The following PAK5 variants were observed in gnomAD, a reference collection of about 807,000 sequenced individuals.
PAK5 encodes serine/threonine-protein kinase PAK 5.
Under a neutral mutation model 65.9 loss-of-function variants are expected in PAK5, and 16 were observed. That is an observed-to-expected ratio of 0.24 (90% confidence interval 0.16 to 0.37). The LOEUF is 0.37. Among genes scored for constraint, PAK5 ranks in the 10% least tolerant of loss-of-function variants. The probability of loss-of-function intolerance (pLI) is 1.00; values close to 1 mark genes in which losing one functional copy is unlikely to be tolerated. For missense variants in PAK5, 785 were observed against 903.9 expected (o/e 0.87, Z 1.69); for synonymous variants, 371 against 354.9 (o/e 1.05, Z -0.51).
At chr20:9,804,583 C>A (rs1337780159) in intron 1 of PAK5, among the ~76,000 whole-genome samples, 1 of 152,068 alleles carries the variant, frequency 6.6e-6, no homozygotes, top group South Asian at 2.1e-4. Flanking sequence ...GATCAAAGAC[C>A]TAAATGTAAA....
At chr20:9,588,494 C>A (rs1367174372) in intron 3 of PAK5, among the ~76,000 whole-genome samples, 1 of 152,036 alleles carries the variant, frequency 6.6e-6, no homozygotes, top group Non-Finnish European at 1.5e-5. Flanking sequence ...GTGCCCCACC[C>A]AAAAAAGTAT....
In PAK5 at chr20:9,810,691, T is replaced by C. The variant is rs180724386; in HGVS notation, c.-162+28071A>G. Among the ~76,000 whole-genome samples the C allele has an allele frequency of 3.8e-3, 578 of 152,328 alleles. 6 individuals are homozygous for C. Among genetic ancestry groups the C allele is most frequent in the South Asian group, 0.022 (106 of 4,826 alleles). ...CTGTTAAAATTGTCTAATTGCAAAA[T>C]GTACCTAAAATGTACCCTCTCTGCT... On this transcript the variant is annotated intron_variant, in intron 1 of 9. Coordinates refer to ENST00000353224, the MANE Select transcript of PAK5 (RefSeq NM_177990.4).
At chr20:9,634,864 G>A (rs1419118501) in intron 3 of PAK5, among the ~76,000 whole-genome samples, 1 of 152,126 alleles carries the variant, frequency 6.6e-6, no homozygotes. Flanking sequence ...GGGATTCCAG[G>A]AAGTAACAGG....
At chr20:9,744,136 C>T (rs1600315680) in intron 1 of PAK5, among the ~76,000 whole-genome samples, 1 of 152,244 alleles carries the variant, frequency 6.6e-6, no homozygotes, top group Middle Eastern at 3.4e-3. Context: ...GGAAGTGGGT[C>T]CCTGTAGATA....
intron 2 of PAK5, among the ~76,000 whole-genome samples, chr20:9,687,884 G>A (rs2123423438): frequency 8.9e-6 from 1 of 111,982 alleles, no homozygotes; most frequent in East Asian, 2.6e-4. Context: ...TCAAGAGAGG[G>A]AGGTGTGTGT....
chr20:9,648,800 C>T (rs1251412248), intron 2 of PAK5, among the ~76,000 whole-genome samples: 1 of 152,196 alleles, frequency 6.6e-6, no homozygotes, highest in Non-Finnish European at 1.5e-5. Flanking sequence ...TTTACCTTCT[C>T]TGCCAGTTAC....
intron 1 of PAK5, among the ~76,000 whole-genome samples, chr20:9,800,838 G>A (rs570860195): frequency 6.6e-5 from 10 of 151,576 alleles, no homozygotes; most frequent in South Asian, 2.1e-4. Flanking sequence ...CCCAACTAAG[G>A]AGTTAGAGAT....
intron 1 of PAK5, among the ~76,000 whole-genome samples, chr20:9,740,677 G>T (rs1041184069): frequency 6.6e-6 from 1 of 152,160 alleles, no homozygotes; most frequent in South Asian, 2.1e-4. Context: ...GAGCAGATTC[G>T]AGTTGCCCCA....
chr20:9,750,014 TC>T (rs1206351413), intron 1 of PAK5, among the ~76,000 whole-genome samples: 1 of 152,182 alleles, frequency 6.6e-6, no homozygotes, highest in Admixed American at 6.6e-5. Context: ...TTCTGACTTC[TC>T]AGTGTTTTAT....
chr20:9,656,162 T>C (rs986255572), intron 2 of PAK5, among the ~76,000 whole-genome samples: 1 of 152,200 alleles, frequency 6.6e-6, no homozygotes, highest in East Asian at 1.9e-4. Context: ...ATCAACATTG[T>C]TGGAAATCAA....
chr20:9,557,621 G>A lies in PAK5; in HGVS notation c.1730C>T (p.Thr577Ile). 6.2e-7 allele frequency: 1 copy of A among 1,610,768 alleles called. No homozygotes were observed. The highest frequency in any genetic ancestry group is 8.5e-7 in the Non-Finnish European group (1 of 1,178,512). The stretch of plus-strand genomic sequence containing the variant: ...TGAACATCTTACCCGGCCATCGCTT[G>A]TCAGGAGGATGGAGTCACTTTTTAT... ...RDIKSDSILLTSDGRIKLSDF... is the reference protein window; with the variant it reads ...RDIKSDSILLISDGRIKLSDF... The change falls in exon 7 of 10, where the codon ACA (threonine) becomes ATA (isoleucine). Residue 577 changes from threonine (T) to isoleucine (I), a missense_variant. This residue lies in a region of PAK5 where 182 missense variants were observed against 273.0 expected (regional missense o/e 0.67). Coordinates refer to ENST00000353224, the MANE Select transcript of PAK5 (RefSeq NM_177990.4).
intron 3 of PAK5, among the ~76,000 whole-genome samples, chr20:9,590,922 A>G (rs2046159415): frequency 1.3e-5 from 2 of 152,206 alleles, no homozygotes; most frequent in Admixed American, 1.3e-4. Context: ...CTTAGGCAAC[A>G]GTAGGTGTTG....
chr20:9,737,548 T>C (rs531609416), intron 1 of PAK5, among the ~76,000 whole-genome samples: 1 of 152,258 alleles, frequency 6.6e-6, no homozygotes, highest in Non-Finnish European at 1.5e-5. Flanking sequence ...TTATTGAAGA[T>C]TTAATGCTAT....
rs555599850 is a variant in PAK5, at chr20:9,675,763, A to C, written c.-11-31424T>G. Reference sequence around the variant, plus strand: ...GCATGTTTCTAAAGAAGAAAGGCAAACTATATAGTCAGCCAAAATATTTAT... The same window carrying C: ...GCATGTTTCTAAAGAAGAAAGGCAACCTATATAGTCAGCCAAAATATTTAT... On this transcript the variant is annotated intron_variant, in intron 2 of 9. Transcript: ENST00000353224. Among the ~76,000 whole-genome samples, 45 of 152,350 alleles carry C rather than the reference A, an allele frequency of 3.0e-4. 1 individual carries two copies. In the Middle Eastern group the frequency reaches 0.02, roughly 69 times the overall value.
At position 9,598,482 on chromosome 20, in the gene PAK5, G is replaced by C. The variant is rs538307546; in HGVS notation, c.205-17552C>G. On this transcript the variant is annotated intron_variant, in intron 3 of 9. Transcript: ENST00000353224. Reference sequence around the variant, plus strand: ...TCCTTTGGGTATATACCTAGTAATGGGATTGCTGGGTCAAATGGTATTTCT... The same window carrying C: ...TCCTTTGGGTATATACCTAGTAATGCGATTGCTGGGTCAAATGGTATTTCT... Among the ~76,000 whole-genome samples the C allele has an allele frequency of 2.0e-5, 3 of 152,260 alleles. No individual in the cohort carries two copies. In the South Asian group the frequency reaches 6.2e-4, roughly 32 times the overall value.
chr20:9,578,086 C>A (rs539874564), intron 4 of PAK5, among the ~76,000 whole-genome samples: 2 of 152,118 alleles, frequency 1.3e-5, no homozygotes, highest in Non-Finnish European at 2.9e-5. Flanking sequence ...GCAGTTGAGT[C>A]CCCGAGATAA....
At chr20:9,546,525 C>A (rs946093048) in intron 7 of PAK5, among the ~76,000 whole-genome samples, 2 of 152,058 alleles carry the variant, frequency 1.3e-5, no homozygotes, top group Non-Finnish European at 2.9e-5. Flanking sequence ...GTAGTGAAAC[C>A]CTTGAAGGGC....
At chr20:9,709,730 C>A (rs1289323657) in intron 2 of PAK5, among the ~76,000 whole-genome samples, 1 of 152,158 alleles carries the variant, frequency 6.6e-6, no homozygotes, top group Non-Finnish European at 1.5e-5. Context: ...TATTGGAAAG[C>A]AAGCTGCACT....
chr20:9,552,765 A>T (rs2045449137), intron 7 of PAK5, among the ~76,000 whole-genome samples: 1 of 150,818 alleles, frequency 6.6e-6, no homozygotes, highest in Non-Finnish European at 1.5e-5. Context: ...TTTATCACTC[A>T]GGCTGGAGTG....
Sources: allele counts gnomAD v4.1 joint callset (sites outside exome capture counted in the v4.1 genomes callset), GRCh38; gene constraint gnomAD v4.1.1; regional missense constraint gnomAD v4.1.1; transcripts MANE v1.5; gene names NCBI Gene and HGNC (gene_info 2026-07-23, HGNC 2026-07-21).